Variants in ZNF467 observed in about 807,000 individuals in gnomAD.
ZNF467 encodes zinc finger protein EZI.
A neutral mutation model predicts 47.8 loss-of-function variants in ZNF467; 51 were observed. The observed-to-expected ratio is 1.07, with a 90% CI of 0.85 to 1.35. The LOEUF is 1.35. Among genes scored for constraint, ZNF467 ranks in the 40% most tolerant of loss-of-function variants. ZNF467 has a pLI of 0.00. For missense variants in ZNF467, 992 were observed against 858.1 expected (o/e 1.16, Z -1.95); for synonymous variants, 416 against 372.9 (o/e 1.12, Z -1.33).
rs770388544 is a variant in ZNF467, at chr7:149,765,613, C to G, written c.889G>C (p.Glu297Gln). 43 of 1,603,896 alleles carry G rather than the reference C, an allele frequency of 2.7e-5. No individual in the cohort carries two copies. Among genetic ancestry groups the G allele is most frequent in the Non-Finnish European group, 3.6e-5 (42 of 1,175,440 alleles). Reference sequence around the variant, plus strand: ...CACTGTGCGCACTGGTAGGGCCTCTCGCCCGTATGGATGCGCTGGTGCCGA... The same window carrying G: ...CACTGTGCGCACTGGTAGGGCCTCTGGCCCGTATGGATGCGCTGGTGCCGA... ...LIRHQRIHTG[E>Q]RPYQCAQCAR... Residue 297 changes from glutamate (E) to glutamine (Q), a missense_variant, in exon 5 of 5, where the codon GAG (glutamate) becomes CAG (glutamine). By Grantham distance (29) the Glu-to-Gln change is conservative. Transcript: ENST00000302017.
chr7:149,771,813 G>A (rs1799419612), intron 1 of ZNF467, among the ~76,000 whole-genome samples: 1 of 142,140 alleles, frequency 7.0e-6, no homozygotes, highest in African/African-American at 2.6e-5. Flanking sequence ...CCTGCGAATC[G>A]GGCCGGCGCC....
At chr7:149,767,743 G>C (rs1188521870) in intron 4 of ZNF467, among the ~76,000 whole-genome samples, 1 of 152,098 alleles carries the variant, frequency 6.6e-6, no homozygotes, top group South Asian at 2.1e-4. Context: ...TCAGAGATGG[G>C]GTCTCGCTGT....
At chr7:149,770,309 T>C (rs1799355796) in intron 3 of ZNF467, 131 bp downstream of exon 3, 3 of 566,256 alleles carry the variant, frequency 5.3e-6, no homozygotes, top group African/African-American at 2.2e-5. Flanking sequence ...AAATATTTGA[T>C]GAATGGAAGG....
At position 149,764,659 on chromosome 7, in the gene ZNF467, A is replaced by G; in HGVS notation, c.*55T>C. ...CGCCTTGCTCACCCCAGGCGGTCTC[A>G]TGGCACGGGCCTCTCGAAACTGTGG... On this transcript the variant is annotated 3_prime_UTR_variant, in exon 5 of 5. Coordinates refer to ENST00000302017, the MANE Select transcript of ZNF467 (RefSeq NM_207336.3). 6.4e-7 allele frequency: 1 copy of G among 1,561,310 alleles called. No individual in the cohort carries two copies. Among genetic ancestry groups the G allele is most frequent in the South Asian group, 1.2e-5 (1 of 85,774 alleles).
chr7:149,764,593 G>C lies in ZNF467; in HGVS notation c.*121C>G. On this transcript the variant is annotated 3_prime_UTR_variant, in exon 5 of 5. Transcript: ENST00000302017. ...ACGCAGACACTGCGGGAAGGAAACA[G>C]GTGTCCCGCGGCGGCCAAACCTTCG... The C allele has an allele frequency of 6.6e-7, 1 of 1,512,760 alleles. No individual in the cohort carries two copies. The highest frequency in any genetic ancestry group is 9.0e-7 in the Non-Finnish European group (1 of 1,115,888). The allele number at this position is 1,512,760 out of a possible 1,614,324, so 93.7% of individuals were successfully genotyped here.
At position 149,764,327 on chromosome 7, in the gene ZNF467, T is replaced by G. The variant is rs1585937099; in HGVS notation, c.*387A>C. ...GGGACAGTGGCTAAGGAGAGTCAGG[T>G]GTTCCCTCCCCCAATTCATTTAGCA... On this transcript the variant is annotated 3_prime_UTR_variant, in exon 5 of 5. Coordinates refer to ENST00000302017, the MANE Select transcript of ZNF467 (RefSeq NM_207336.3). 1.1e-5 allele frequency: 6 copies of G among 526,020 alleles called. No individual in the cohort carries two copies. The highest frequency in any genetic ancestry group is 2.0e-5 in the Non-Finnish European group (6 of 299,662). The allele number at this position is 526,020 out of a possible 1,614,324, so 32.6% of individuals were successfully genotyped here.
chr7:149,765,141 G>A lies in ZNF467; in HGVS notation c.1361C>T (p.Thr454Met). 1 of 1,486,874 alleles carries A rather than the reference G, an allele frequency of 6.7e-7. No individual in the cohort carries two copies. The highest frequency in any genetic ancestry group is 8.9e-7 in the Non-Finnish European group (1 of 1,122,942). 92.1% of individuals were successfully genotyped at this position (1,486,874 alleles called of 1,614,324 possible). A position where few individuals can be genotyped will look rare whatever the true frequency, so the allele number is the denominator to read the frequency against. Residue 454 changes from threonine (T) to methionine (M), a missense_variant, in exon 5 of 5, where the codon ACG becomes ATG. Thr to Met is a moderately conservative substitution (Grantham distance 81). Transcript: ENST00000302017. ...CGTGCAGGCGAAGGGCCGTTCGCCCGTGTGCACGCGCGGGTGCCGCGCCAG... is the reference window on the plus strand; with the variant it reads ...CGTGCAGGCGAAGGGCCGTTCGCCCATGTGCACGCGCGGGTGCCGCGCCAG... ...QHLARHPRVH[T>M]GERPFACTQC...
At chr7:149,772,881 GC>G (rs1253175621) in intron 1 of ZNF467, among the ~76,000 whole-genome samples, 1 of 87,330 alleles carries the variant, frequency 1.1e-5, no homozygotes, top group Middle Eastern at 5.7e-3. Context: ...CTTCCCTCCA[GC>G]CCCCCCGGTC....
intron 1 of ZNF467, among the ~76,000 whole-genome samples, chr7:149,771,667 G>T (rs1799411476): frequency 6.6e-6 from 1 of 151,606 alleles, no homozygotes; most frequent in Non-Finnish European, 1.5e-5. Flanking sequence ...CCCGGACACC[G>T]CCCCTGCTGC....
chr7:149,768,359 T>C (rs1244885507), intron 4 of ZNF467, among the ~76,000 whole-genome samples: 2 of 152,218 alleles, frequency 1.3e-5, no homozygotes, highest in African/African-American at 4.8e-5. Flanking sequence ...TGAAGTGTTG[T>C]ACACACACTG....
In ZNF467 at chr7:149,766,242, G is replaced by A. The variant is rs770172696; in HGVS notation, c.263-3C>T. 1.3e-6 allele frequency: 2 copies of A among 1,514,048 alleles called. No homozygotes were observed. Among genetic ancestry groups the A allele is most frequent in the Non-Finnish European group, 1.8e-6 (2 of 1,131,034 alleles). 93.8% of individuals were successfully genotyped at this position (1,514,048 alleles called of 1,614,324 possible). ...CTTCCGAATCATCCACTCCTCTCCT[G>A]GAAAGTCAAAACAAGAATTGTCTAT... is the stretch of plus-strand genomic sequence containing the variant. On this transcript the variant is annotated splice_region_variant and splice_polypyrimidine_tract_variant and intron_variant, in intron 4 of 4. Transcript: ENST00000302017.
Position 149,764,674 on chromosome 7 carries a change from C to T in ZNF467, c.*40G>A, listed in dbSNP as rs933120832. On this transcript the variant is annotated 3_prime_UTR_variant, in exon 5 of 5. Transcript: ENST00000302017. ...AGGCGGTCTCATGGCACGGGCCTCT[C>T]GAAACTGTGGGCAAGAAAGGGTCCT... is the stretch of plus-strand genomic sequence containing the variant. 1.6e-5 allele frequency: 25 copies of T among 1,569,562 alleles called. No individual in the cohort carries two copies. The highest frequency in any genetic ancestry group is 2.7e-5 in the African/African-American group (2 of 74,052).
chr7:149,774,468 G>A (rs1367867770), upstream of ZNF467, among the ~76,000 whole-genome samples: 1 of 152,180 alleles, frequency 6.6e-6, no homozygotes, highest in Non-Finnish European at 1.5e-5. The surrounding 1 kb of genome is among the most constrained non-coding windows in gnomAD (Gnocchi z 5.7). Context: ...ATCAGCCCCG[G>A]TTTGAATCCA....
Position 149,769,539 on chromosome 7 carries a change from C to G in ZNF467, c.152-339G>C, listed in dbSNP as rs1799325404. ...CCCTAGGAGAAGGGCTGGGGACTTC[C>G]CAGCCCCCAGATGGACCCTGGTTCC... On this transcript the variant is annotated intron_variant, in intron 3 of 4. Transcript: ENST00000302017. This position sits in a 1 kb window ranked among gnomAD's most constrained non-coding sequence, Gnocchi z 5.3. Among the ~76,000 whole-genome samples the G allele has an allele frequency of 6.6e-6, 1 of 152,092 alleles. No homozygotes were observed. Among genetic ancestry groups the G allele is most frequent in the Admixed American group, 6.5e-5 (1 of 15,278 alleles).
upstream of ZNF467, among the ~76,000 whole-genome samples, chr7:149,774,466 C>A (rs1448364319): frequency 6.6e-6 from 1 of 152,146 alleles, no homozygotes; most frequent in Non-Finnish European, 1.5e-5. This position sits in a 1 kb window ranked among gnomAD's most constrained non-coding sequence, Gnocchi z 5.7. Flanking sequence ...TGATCAGCCC[C>A]GGTTTGAATC....
Position 149,765,804 on chromosome 7 carries a change from C to A in ZNF467, c.698G>T (p.Arg233Leu). The A allele has an allele frequency of 6.2e-7, 1 of 1,610,156 alleles. No homozygotes were observed. Residue 233 changes from arginine (R) to leucine (L), a missense_variant, in exon 5 of 5, where the codon CGC becomes CTC. Physicochemically the swap from Arg to Leu is moderately radical, Grantham distance 102. Transcript: ENST00000302017. ...KRFSKKAHLT[R>L]HLRTHTGERP... ...CTCGCCCGTGTGCGTGCGCAGGTGG[C>A]GGGTCAGATGGGCCTTCTTGCTGAA...
upstream of ZNF467, chr7:149,776,042 A>G: frequency 7.3e-7 from 1 of 1,365,544 alleles, no homozygotes; most frequent in Non-Finnish European, 9.8e-7. Context: ...TGAGGGCACC[A>G]TGCTACTCCC....
Position 149,765,949 on chromosome 7 carries a change from C to A in ZNF467, c.553G>T (p.Glu185Ter). The change falls in exon 5 of 5, where the codon GAG becomes TAG. Residue 185 changes from glutamate to a stop codon, truncating the protein, a stop_gained. Transcript: ENST00000302017. LOFTEE classifies it high-confidence loss of function. ...LRLHQRLHRG[E>*]GPCACPDCGR... ...CAGTCCGGGCAGGCGCAGGGGCCCT[C>A]GCCCCGGTGCAGCCGCTGGTGCAGT... 2 of 1,552,026 alleles carry A rather than the reference C, an allele frequency of 1.3e-6. No individual in the cohort carries two copies. Among genetic ancestry groups the A allele is most frequent in the Non-Finnish European group, 1.7e-6 (2 of 1,148,958 alleles).
At position 149,773,323 on chromosome 7, in the gene ZNF467, C is replaced by G. The variant is rs902898653; in HGVS notation, c.-258G>C. 2.6e-5 allele frequency: 4 copies of G among 151,028 alleles called. No individual in the cohort carries two copies. The highest frequency in any genetic ancestry group is 9.8e-5 in the African/African-American group (4 of 40,944). The allele number at this position is 151,028 out of a possible 1,614,324, so 9.4% of individuals were successfully genotyped here. The stretch of plus-strand genomic sequence containing the variant: ...AACGGCGCCTGCAAGGGAGGAGGGA[C>G]CGAGGGAGCGGGCGGAGAGCCCCGG... On this transcript the variant is annotated 5_prime_UTR_variant, in exon 1 of 5. Coordinates refer to ENST00000302017, the MANE Select transcript of ZNF467 (RefSeq NM_207336.3).
Sources: gnomAD v4.1 joint callset for allele counts (sites outside exome capture counted in the v4.1 genomes callset) on GRCh38, gnomAD v4.1.1 for gene constraint, Gnocchi (gnomAD v3.1) non-coding constraint, MANE v1.5 for transcripts, NCBI Gene and HGNC (gene_info 2026-07-23, HGNC 2026-07-21) for gene names.